Variants in TWIST2 observed in about 807,000 individuals in gnomAD.
TWIST2 encodes the protein twist family bHLH transcription factor 2.
A neutral mutation model predicts 11.6 loss-of-function variants in TWIST2; 1 was observed. The observed-to-expected ratio is 0.09, with a 90% confidence interval of 0.03 to 0.41. The LOEUF (loss-of-function observed/expected upper bound fraction) is 0.41. Among genes scored for constraint, TWIST2 ranks in the 10% least tolerant of loss-of-function variants. TWIST2 has a pLI of 0.98. For synonymous variants in TWIST2, 87 were observed against 96.6 expected (o/e 0.90, Z 0.58); for missense variants, 168 against 226.4 (o/e 0.74, Z 1.66).
At chr2:238,875,330 C>A (rs1211548203) in intron 1 of TWIST2, among the ~76,000 whole-genome samples, 1 of 151,736 alleles carries the variant, frequency 6.6e-6, no homozygotes, top group Non-Finnish European at 1.5e-5. Context: ...GGGTCTTCTC[C>A]AAGAAGAAGA....
At chr2:238,908,991 AGTAT>A (rs1693405357) in intron 1 of TWIST2, among the ~76,000 whole-genome samples, 2 of 78,348 alleles carry the variant, frequency 2.6e-5, no homozygotes, top group Admixed American at 2.5e-4. Flanking sequence ...TGTAGTGTGT[AGTAT>A]GTTTGTGTGG....
chr2:238,887,660 C>T (rs759548821), intron 1 of TWIST2, among the ~76,000 whole-genome samples: 5 of 152,124 alleles, frequency 3.3e-5, no homozygotes, highest in African/African-American at 9.7e-5. Flanking sequence ...GGGAGGAAGC[C>T]TCGGTGCAGC....
At chr2:238,889,817 C>G (rs570211075) in intron 1 of TWIST2, among the ~76,000 whole-genome samples, 2 of 152,196 alleles carry the variant, frequency 1.3e-5, no homozygotes, top group Admixed American at 6.5e-5. Flanking sequence ...GCACCTGCTA[C>G]GTGTTCTCCC....
At chr2:238,904,208 G>T (rs2106374784) in intron 1 of TWIST2, among the ~76,000 whole-genome samples, 1 of 86,346 alleles carries the variant, frequency 1.2e-5, no homozygotes, top group South Asian at 4.9e-4. Context: ...GTGATGTGAG[G>T]TGTGTGATGT....
chr2:238,904,625 A>G (rs1332268869), intron 1 of TWIST2, among the ~76,000 whole-genome samples: 4 of 152,038 alleles, frequency 2.6e-5, no homozygotes, highest in African/African-American at 9.7e-5. Flanking sequence ...CCTGCACTCT[A>G]AAAAGTGATC....
intron 1 of TWIST2, among the ~76,000 whole-genome samples, chr2:238,895,338 T>C (rs992295398): frequency 5.3e-5 from 8 of 152,228 alleles, no homozygotes; most frequent in African/African-American, 1.9e-4. Flanking sequence ...TGTGGCCCCA[T>C]TCTCTCCATG....
intron 1 of TWIST2, 21 bp from the exon 2 acceptor site, chr2:238,909,821 T>TC (rs1176691173): frequency 2.0e-5 from 3 of 152,132 alleles, no homozygotes; most frequent in Non-Finnish European, 4.4e-5. Context: ...TAGCTCACGG[T>TC]CCCCCTTCCG....
rs202214970 is a variant in TWIST2, at chr2:238,881,399, TAGTGTC to T, written c.*36-28431_*36-28426del. Among the ~76,000 whole-genome samples the T allele has an allele frequency of 6.3e-3, 953 of 151,432 alleles. 17 individuals carry two copies. The highest frequency in any genetic ancestry group is 0.022 in the African/African-American group (887 of 41,178). ...TTTATTAGTATTAGTTACTATTTAT[TAGTGTC>T]AGTGTCAGTGTTAGTGTTAGTATTA... On this transcript the variant is annotated intron_variant, in intron 1 of 1. Transcript: ENST00000612363.
At chr2:238,890,877 C>T (rs930332176) in intron 1 of TWIST2, among the ~76,000 whole-genome samples, 4 of 152,076 alleles carry the variant, frequency 2.6e-5, no homozygotes, top group African/African-American at 4.8e-5. Context: ...AATCGTTCTG[C>T]CCACCGTCAT....
At chr2:238,856,009 G>A (rs1440878537) in intron 1 of TWIST2, among the ~76,000 whole-genome samples, 1 of 152,130 alleles carries the variant, frequency 6.6e-6, no homozygotes, top group African/African-American at 2.4e-5. Flanking sequence ...CCCTGTTTTT[G>A]TTGATTTCTC....
chr2:238,901,865 G>T (rs957831582), intron 1 of TWIST2, among the ~76,000 whole-genome samples: 1 of 152,092 alleles, frequency 6.6e-6, no homozygotes, highest in South Asian at 2.1e-4. Flanking sequence ...ACCCTGGCAC[G>T]TTCCCTAGCC....
In TWIST2 at chr2:238,864,483, G is replaced by A. The variant is rs1692495817; in HGVS notation, c.*35+15750G>A. On this transcript the variant is annotated intron_variant, in intron 1 of 1. Coordinates refer to ENST00000612363, the MANE Select transcript of TWIST2 (RefSeq NM_001271893.4). This position sits in a 1 kb window ranked among gnomAD's most constrained non-coding sequence, Gnocchi z 4.7. The stretch of plus-strand genomic sequence containing the variant: ...GAGCAGGAAGGTTTGAATGGGCCAG[G>A]CCTGGAGCAGAGTGCAGGGTTGGAG... 6.6e-6 allele frequency among the ~76,000 whole-genome samples: 1 copy of A among 152,212 alleles called. No homozygotes were observed. Among genetic ancestry groups the A allele is most frequent in the African/African-American group, 2.4e-5 (1 of 41,460 alleles).
chr2:238,872,156 G>A (rs1245197358), intron 1 of TWIST2, among the ~76,000 whole-genome samples: 1 of 152,178 alleles, frequency 6.6e-6, no homozygotes, highest in Non-Finnish European at 1.5e-5. Flanking sequence ...GGTCCTGCCT[G>A]CCCCCATGCT....
At chr2:238,874,954 T>G (rs1410389342) in intron 1 of TWIST2, among the ~76,000 whole-genome samples, 70 of 152,074 alleles carry the variant, frequency 4.6e-4, no homozygotes, top group Admixed American at 4.5e-3. Flanking sequence ...CCAGGCTCTG[T>G]TGATGACTTC....
intron 1 of TWIST2, among the ~76,000 whole-genome samples, chr2:238,880,175 G>A (rs1408952111): frequency 6.6e-6 from 1 of 152,112 alleles, no homozygotes; most frequent in Non-Finnish European, 1.5e-5. Context: ...ATTGGTGTTA[G>A]TGTTAGTATT....
intron 1 of TWIST2, among the ~76,000 whole-genome samples, chr2:238,854,846 C>A (rs920114502): frequency 2.0e-5 from 3 of 152,180 alleles, no homozygotes; most frequent in Non-Finnish European, 4.4e-5. Flanking sequence ...CGGCAGCTTT[C>A]TTTGTCTGTT....
chr2:238,883,934 C>T (rs537375435), intron 1 of TWIST2, among the ~76,000 whole-genome samples: 58 of 152,270 alleles, frequency 3.8e-4, no homozygotes, highest in African/African-American at 1.1e-3. Context: ...TCGTGAGCCG[C>T]GCTGTGGTTT....
At position 238,887,420 on chromosome 2, in the gene TWIST2, T is replaced by A. The variant is rs112845961; in HGVS notation, c.*36-22422T>A. On this transcript the variant is annotated intron_variant, in intron 1 of 1. Transcript: ENST00000612363. ...CTGGTGCCCTGGGCATGTTTAGGAA[T>A]CAAATCCTGGCATTTGGCTGAAATT... 2.4e-3 allele frequency among the ~76,000 whole-genome samples: 365 copies of A among 152,332 alleles called. 2 individuals are homozygous for A. The highest frequency in any genetic ancestry group is 8.1e-3 in the African/African-American group (338 of 41,572).
intron 1 of TWIST2, among the ~76,000 whole-genome samples, chr2:238,887,666 G>A (rs933063702): frequency 5.3e-5 from 8 of 152,194 alleles, no homozygotes; most frequent in Admixed American, 2.0e-4. Context: ...AAGCCTCGGT[G>A]CAGCTTCCAG....
Sources: gnomAD v4.1 joint callset for allele counts (sites outside exome capture counted in the v4.1 genomes callset) on GRCh38, gnomAD v4.1.1 for gene constraint, Gnocchi (gnomAD v3.1) non-coding constraint, MANE v1.5 for transcripts, NCBI Gene and HGNC (gene_info 2026-07-23, HGNC 2026-07-21) for gene names.